The following CNTLN variants were observed in gnomAD, a reference collection of about 807,000 sequenced individuals.
CNTLN encodes centlein, also known as centlein, centrosomal protein.
A neutral mutation model predicts 180.0 loss-of-function variants in CNTLN; 212 were observed. The ratio of observed to expected loss-of-function variants is 1.18; its 90% confidence interval spans 1.05 to 1.32. The LOEUF is 1.32. Ranked by LOEUF, CNTLN falls within the 40% of genes most tolerant of loss-of-function variation. The pLI, the probability that CNTLN is intolerant of heterozygous loss-of-function variation, is 0.00. For synonymous variants in CNTLN, 722 were observed against 563.1 expected (o/e 1.28, Z -3.99); for missense variants, 2,095 against 1,610.9 (o/e 1.30, Z -5.14).
At chr9:17,395,217 C>T in intron 15 of CNTLN, 148 bp downstream of exon 15, 1 of 1,261,152 alleles carries the variant, frequency 7.9e-7, no homozygotes, top group Non-Finnish European at 1.0e-6. Flanking sequence ...AGGTCTTGTT[C>T]TGAGCTTATT....
At chr9:17,494,543 C>T (rs890963712) in intron 25 of CNTLN, among the ~76,000 whole-genome samples, 2 of 152,024 alleles carry the variant, frequency 1.3e-5, no homozygotes, top group African/African-American at 4.8e-5. Context: ...GTCAAATAGG[C>T]CCCAGGGTCT....
chr9:17,172,444 A>T (rs1242958533), intron 2 of CNTLN, among the ~76,000 whole-genome samples: 1 of 151,856 alleles, frequency 6.6e-6, no homozygotes, highest in African/African-American at 2.4e-5. Context: ...TTATTCACCA[A>T]TTTTTCCTCC....
intron 15 of CNTLN, 85 bp downstream of exon 15, chr9:17,395,154 T>C: frequency 6.8e-7 from 1 of 1,477,694 alleles, no homozygotes; most frequent in Non-Finnish European, 9.0e-7. Flanking sequence ...TTTCAACTAC[T>C]GTCGATTTGG....
At chr9:17,380,215 C>T (rs964867013) in intron 13 of CNTLN, among the ~76,000 whole-genome samples, 5 of 152,088 alleles carry the variant, frequency 3.3e-5, no homozygotes, top group Admixed American at 6.6e-5. Context: ...AAGTTTCTTG[C>T]CATGTGATAG....
chr9:17,366,744 A>AACAT, intron 13 of CNTLN, 27 bp downstream of exon 13: 1 of 1,181,412 alleles, frequency 8.5e-7, no homozygotes, highest in Non-Finnish European at 1.2e-6. Context: ...TAAATACTTA[A>AACAT]CAGAGGAATT....
chr9:17,157,712 A>T (rs1212515405), intron 2 of CNTLN, among the ~76,000 whole-genome samples: 1 of 152,194 alleles, frequency 6.6e-6, no homozygotes, highest in East Asian at 1.9e-4. Flanking sequence ...CTCTGCTATG[A>T]TAATATGTCT....
chr9:17,470,121 A>G (rs1436427212), intron 23 of CNTLN, among the ~76,000 whole-genome samples: 2 of 151,932 alleles, frequency 1.3e-5, no homozygotes, highest in Non-Finnish European at 2.9e-5. Flanking sequence ...CAAGTAGATT[A>G]AAGCCAACTT....
At chr9:17,257,159 A>T (rs62558300) in intron 5 of CNTLN, among the ~76,000 whole-genome samples, 34,345 of 150,480 alleles carry the variant, frequency 0.23, 4,150 homozygotes, top group South Asian at 0.36. Flanking sequence ...CCAGAGTGTG[A>T]TGTTCCCCTT....
intron 23 of CNTLN, among the ~76,000 whole-genome samples, chr9:17,482,033 A>G (rs780458066): frequency 1.6e-4 from 24 of 152,350 alleles, no homozygotes; most frequent in Middle Eastern, 3.4e-3. Context: ...AGATACAGGG[A>G]TATGAAGAAT....
chr9:17,233,312 C>G (rs1274578420), intron 3 of CNTLN, among the ~76,000 whole-genome samples: 1 of 151,830 alleles, frequency 6.6e-6, no homozygotes, highest in East Asian at 1.9e-4. Context: ...TGTGAATTTA[C>G]TAATATTTAA....
At chr9:17,419,901 T>G (rs1232312527) in intron 18 of CNTLN, among the ~76,000 whole-genome samples, 2 of 152,274 alleles carry the variant, frequency 1.3e-5, no homozygotes, top group Admixed American at 6.5e-5. Flanking sequence ...ACAGTGTTAT[T>G]TTTATTGTAG....
chr9:17,259,553 C>T (rs1209287144), intron 5 of CNTLN, among the ~76,000 whole-genome samples: 1 of 150,304 alleles, frequency 6.7e-6, no homozygotes, highest in African/African-American at 2.5e-5. Flanking sequence ...AGGAATGGTA[C>T]CAGTTCCTCC....
chr9:17,196,722 A>G (rs1260127422), intron 2 of CNTLN, among the ~76,000 whole-genome samples: 1 of 151,644 alleles, frequency 6.6e-6, no homozygotes, highest in Non-Finnish European at 1.5e-5. Context: ...TTAATTTTTA[A>G]TTTATGTGGG....
chr9:17,245,805 T>C (rs1166159757), intron 5 of CNTLN, among the ~76,000 whole-genome samples: 1 of 151,962 alleles, frequency 6.6e-6, no homozygotes, highest in African/African-American at 2.4e-5. Flanking sequence ...TTCTTCTGCT[T>C]GATCATTTCT....
At chr9:17,290,815 T>G (rs1345493144) in intron 6 of CNTLN, among the ~76,000 whole-genome samples, 2 of 152,148 alleles carry the variant, frequency 1.3e-5, no homozygotes, top group Admixed American at 1.3e-4. Flanking sequence ...GAAAGGGAAC[T>G]CCCTGATCCC....
At chr9:17,213,853 T>C (rs1040347120) in intron 2 of CNTLN, among the ~76,000 whole-genome samples, 4 of 152,176 alleles carry the variant, frequency 2.6e-5, no homozygotes, top group Non-Finnish European at 5.9e-5. Context: ...TAAAGTCTGT[T>C]TTATCAGACA....
chr9:17,273,880 AT>A lies in CNTLN; in HGVS notation c.983+19del. ...TACCCTGGTCAGGCAAGTATATTCA[AT>A]TTTTAATTTAACATCATAGAAATGT... is the stretch of plus-strand genomic sequence containing the variant. On this transcript the variant is annotated intron_variant, in intron 6 of 25. Transcript: ENST00000380647. 6.6e-7 allele frequency: 1 copy of A among 1,516,152 alleles called. No individual in the cohort carries two copies. 93.9% of individuals were successfully genotyped at this position (1,516,152 alleles called of 1,614,324 possible). A position where few individuals can be genotyped will look rare whatever the true frequency, so the allele number is the denominator to read the frequency against.
chr9:17,458,785 G>T (rs760090574), intron 19 of CNTLN, among the ~76,000 whole-genome samples: 2 of 151,844 alleles, frequency 1.3e-5, no homozygotes, highest in East Asian at 1.9e-4. Flanking sequence ...GTCAATTTAT[G>T]TGTATAACTT....
rs181627265 is a variant in CNTLN, at chr9:17,401,707, A to T, written c.2615+6638A>T. Among the ~76,000 whole-genome samples the T allele has an allele frequency of 2.0e-3, 302 of 151,964 alleles. 9 individuals carry two copies. The highest frequency in any genetic ancestry group is 7.1e-3 in the African/African-American group (291 of 41,276). On this transcript the variant is annotated intron_variant, in intron 15 of 25. Coordinates refer to ENST00000380647, the MANE Select transcript of CNTLN (RefSeq NM_017738.4). ...GGTTTAATGAAACAATGAAAATTTTAAAAGTATTACAAGAAATTACAAGAT... is the reference window on the plus strand; with the variant it reads ...GGTTTAATGAAACAATGAAAATTTTTAAAGTATTACAAGAAATTACAAGAT...
Sources: gnomAD v4.1 joint callset for allele counts (sites outside exome capture counted in the v4.1 genomes callset) on GRCh38, gnomAD v4.1.1 for gene constraint, MANE v1.5 for transcripts, NCBI Gene and HGNC (gene_info 2026-07-23, HGNC 2026-07-21) for gene names.